Variants in FAM53B observed in about 807,000 individuals in gnomAD.
The protein encoded by FAM53B is protein FAM53B.
Under a neutral mutation model 32.7 loss-of-function variants are expected in FAM53B, and 12 were observed. That is an observed-to-expected ratio of 0.37 (90% CI 0.24 to 0.59). The LOEUF (loss-of-function observed/expected upper bound fraction) is 0.59. Ranked by LOEUF, FAM53B falls within the 20% of genes least tolerant of loss-of-function variation. The probability of loss-of-function intolerance (pLI) is 0.72; values close to 1 mark genes in which losing one functional copy is unlikely to be tolerated. For missense variants in FAM53B, 477 were observed against 577.7 expected (o/e 0.83, Z 1.79); for synonymous variants, 234 against 228.7 (o/e 1.02, Z -0.21).
intron 4 of FAM53B, among the ~76,000 whole-genome samples, chr10:124,645,250 C>T (rs1949505196): frequency 6.6e-6 from 1 of 152,284 alleles, no homozygotes. Flanking sequence ...TCTGCTCTCT[C>T]AGCCTCTTCC....
intron 1 of FAM53B, among the ~76,000 whole-genome samples, chr10:124,741,044 A>C (rs1401827487): frequency 6.6e-6 from 1 of 152,248 alleles, no homozygotes; most frequent in Non-Finnish European, 1.5e-5. Flanking sequence ...CCCTAAAGTT[A>C]AATCAAAACA....
intron 4 of FAM53B, among the ~76,000 whole-genome samples, chr10:124,662,004 C>T (rs564685103): frequency 2.6e-5 from 4 of 152,326 alleles, no homozygotes; most frequent in East Asian, 3.9e-4. Flanking sequence ...GTGTCCACCA[C>T]GGCAAGGCAG....
chr10:124,660,178 G>A (rs1249605256), intron 4 of FAM53B, among the ~76,000 whole-genome samples: 2 of 152,180 alleles, frequency 1.3e-5, no homozygotes, highest in East Asian at 3.9e-4. Context: ...TCACGTTTGG[G>A]TTTCGTTCCA....
At chr10:124,648,911 G>C (rs1303538671) in intron 4 of FAM53B, among the ~76,000 whole-genome samples, 1 of 152,242 alleles carries the variant, frequency 6.6e-6, no homozygotes, top group Non-Finnish European at 1.5e-5. Flanking sequence ...GGTGGAAAGT[G>C]CTTGCCACAA....
chr10:124,633,040 G>A (rs1298541870), intron 4 of FAM53B, among the ~76,000 whole-genome samples: 3 of 152,016 alleles, frequency 2.0e-5, no homozygotes, highest in East Asian at 1.9e-4. Context: ...CCAAGGGTGC[G>A]ATCCCCCCTT....
chr10:124,720,168 A>C (rs1950060586), intron 1 of FAM53B, among the ~76,000 whole-genome samples: 1 of 151,936 alleles, frequency 6.6e-6, no homozygotes, highest in Non-Finnish European at 1.5e-5. Context: ...CATCTAAAAA[A>C]AAAAAAAAAA....
intron 1 of FAM53B, among the ~76,000 whole-genome samples, chr10:124,715,601 G>A (rs930362127): frequency 4.6e-5 from 7 of 152,192 alleles, no homozygotes; most frequent in African/African-American, 1.7e-4. Context: ...CCCTCCCTCA[G>A]TCATCCTGTG....
intron 2 of FAM53B, among the ~76,000 whole-genome samples, chr10:124,698,777 C>T (rs557126267): frequency 6.6e-5 from 10 of 152,282 alleles, no homozygotes; most frequent in Non-Finnish European, 7.4e-5. Flanking sequence ...TCCCCACCCT[C>T]CATCCAGAAC....
At position 124,671,042 on chromosome 10, in the gene FAM53B, TAGAC is replaced by T. The variant is rs926668925; in HGVS notation, c.906+10561_906+10564del. On this transcript the variant is annotated intron_variant, in intron 4 of 4. Coordinates refer to ENST00000337318, the MANE Select transcript of FAM53B (RefSeq NM_014661.4). ...GATCTCCCGCCCCGCTGGAGAACGT[TAGAC>T]AGCGCTTAACTGAAGGATGCTGAGC... 1.0e-4 allele frequency: 43 copies of T among 421,876 alleles called. No homozygotes were observed. The East Asian group carries it at 2.6e-3, about 26-fold the overall frequency. The allele number at this position is 421,876 out of a possible 1,614,324, so 26.1% of individuals were successfully genotyped here. A position where few individuals can be genotyped will look rare whatever the true frequency, so the allele number is the denominator to read the frequency against.
intron 3 of FAM53B, among the ~76,000 whole-genome samples, chr10:124,692,714 CAAAAAAAAAAAAAA>C (rs5788679): frequency 4.3e-5 from 3 of 69,046 alleles, no homozygotes; most frequent in East Asian, 1.0e-3. Context: ...TACTCCATCT[CAAAAAAAAAAAAAA>C]AAAAAAAAAA....
At chr10:124,686,751 G>A (rs1385101214) in intron 3 of FAM53B, among the ~76,000 whole-genome samples, 2 of 152,240 alleles carry the variant, frequency 1.3e-5, no homozygotes, top group African/African-American at 4.8e-5. Flanking sequence ...ATGAGGTAGT[G>A]GATTGCAAAC....
chr10:124,739,241 A>C lies in FAM53B; in HGVS notation c.-175+4772T>G, dbSNP rs997786612. Among the ~76,000 whole-genome samples the C allele has an allele frequency of 7.2e-5, 11 of 152,348 alleles. No individual in the cohort carries two copies. In the East Asian group the frequency reaches 1.5e-3, roughly 21 times the overall value. ...CATATGGAAAGCAACCAGGCTCTGA[A>C]GGAATAGAGCTCCTTCCTGGCTTTC... On this transcript the variant is annotated intron_variant, in intron 1 of 4. Transcript: ENST00000337318.
chr10:124,740,241 C>T (rs974623940), intron 1 of FAM53B, among the ~76,000 whole-genome samples: 8 of 152,160 alleles, frequency 5.3e-5, no homozygotes, highest in Admixed American at 2.0e-4. Flanking sequence ...ACCACCAAAA[C>T]CACAACCCGC....
intron 2 of FAM53B, chr10:124,703,713 G>A (rs1162756194): frequency 2.0e-5 from 3 of 152,646 alleles, no homozygotes; most frequent in East Asian, 1.9e-4. Flanking sequence ...TGCACACTGG[G>A]TGGTTCTGGG....
At chr10:124,643,551 G>A (rs367946543) in intron 4 of FAM53B, among the ~76,000 whole-genome samples, 2 of 152,266 alleles carry the variant, frequency 1.3e-5, no homozygotes, top group Non-Finnish European at 2.9e-5. Context: ...GGGCCAGCGG[G>A]GGGGTGCAGG....
At chr10:124,734,433 G>C (rs963272157) in intron 1 of FAM53B, among the ~76,000 whole-genome samples, 8 of 152,240 alleles carry the variant, frequency 5.3e-5, no homozygotes, top group Non-Finnish European at 1.0e-4. Flanking sequence ...CACAGTGGGT[G>C]AGGATGACAC....
intron 4 of FAM53B, among the ~76,000 whole-genome samples, chr10:124,673,902 G>A (rs1295475123): frequency 6.6e-6 from 1 of 152,218 alleles, no homozygotes; most frequent in Non-Finnish European, 1.5e-5. Flanking sequence ...CTACACCTGG[G>A]CAGATGCATG....
Position 124,623,050 on chromosome 10 carries a change from C to T in FAM53B, c.*192G>A, listed in dbSNP as rs1949321847. ...TCGGGGAGCCGGTGAGAGGCTGACA[C>T]ACCCGCTGTATGACGCGGCCAGGCC... On this transcript the variant is annotated 3_prime_UTR_variant, in exon 5 of 5. Transcript: ENST00000337318. 2.9e-6 allele frequency: 2 copies of T among 679,054 alleles called. No individual in the cohort carries two copies. Among genetic ancestry groups the T allele is most frequent in the Non-Finnish European group, 4.8e-6 (2 of 418,914 alleles). The allele number at this position is 679,054 out of a possible 1,614,324, so 42.1% of individuals were successfully genotyped here.
chr10:124,644,173 T>A (rs530196221), intron 4 of FAM53B, among the ~76,000 whole-genome samples: 1 of 152,158 alleles, frequency 6.6e-6, no homozygotes, highest in Admixed American at 6.5e-5. Flanking sequence ...TTTGCAGCTA[T>A]TTGTCTACCG....
Sources: gnomAD v4.1 joint callset for allele counts (sites outside exome capture counted in the v4.1 genomes callset) on GRCh38, gnomAD v4.1.1 for gene constraint, MANE v1.5 for transcripts, NCBI Gene and HGNC (gene_info 2026-07-23, HGNC 2026-07-21) for gene names.